CLYBL: variants seen among roughly 807,000 people sequenced by gnomAD.
CLYBL encodes the protein citramalyl-CoA lyase, mitochondrial.
Under a neutral mutation model 38.9 loss-of-function variants are expected in CLYBL, and 31 were observed. That is an observed-to-expected ratio of 0.80 (90% CI 0.60 to 1.08). The LOEUF (loss-of-function observed/expected upper bound fraction) is 1.08, where lower values mean the gene tolerates loss of function less well. CLYBL is among the 50% of genes least tolerant of loss of function. The pLI, the probability that CLYBL is intolerant of heterozygous loss-of-function variation, is 0.00. For synonymous variants in CLYBL, 171 were observed against 158.6 expected, an observed-to-expected ratio of 1.08 and a Z score of -0.59; for missense variants, 434 against 411.6, an observed-to-expected ratio of 1.05 and a Z score of -0.47.
chr13:99,673,974 A>G (rs1002271655), intron 1 of CLYBL, among the ~76,000 whole-genome samples: 2 of 151,946 alleles, frequency 1.3e-5, no homozygotes, highest in Non-Finnish European at 2.9e-5. Context: ...GATGACTGTC[A>G]AGGTTTTTGG....
intron 1 of CLYBL, among the ~76,000 whole-genome samples, chr13:99,705,059 G>T (rs572385088): frequency 1.3e-4 from 20 of 152,286 alleles, no homozygotes; most frequent in Middle Eastern, 6.8e-3. Context: ...GAATAACTAT[G>T]ATCCAGCAAT....
Position 99,865,404 on chromosome 13 carries a change from G to A in CLYBL, c.634+493G>A, listed in dbSNP as rs145696604. Among the ~76,000 whole-genome samples, 22 of 152,156 alleles carry A rather than the reference G, an allele frequency of 1.4e-4. No individual in the cohort carries two copies. The East Asian group carries it at 3.3e-3, about 23-fold the overall frequency. ...TTAAATTTCTCTTACAATATGTTTC[G>A]AACTCTTAGTATTAAATGTGCTGAT... is the stretch of plus-strand genomic sequence containing the variant. On this transcript the variant is annotated intron_variant, in intron 5 of 8. Coordinates refer to ENST00000339105, the MANE Select transcript of CLYBL (RefSeq NM_206808.5). The surrounding 1 kb of genome is among the most constrained non-coding windows in gnomAD (Gnocchi z 4.7).
At chr13:99,710,670 G>A (rs2048216066) in intron 1 of CLYBL, among the ~76,000 whole-genome samples, 1 of 151,974 alleles carries the variant, frequency 6.6e-6, no homozygotes, top group Non-Finnish European at 1.5e-5. Context: ...CAGCCCCCTA[G>A]TTTCTTCCCT....
At position 99,628,144 on chromosome 13, in the gene CLYBL, T is replaced by C. The variant is rs565442880; in HGVS notation, c.62+21387T>C. Among the ~76,000 whole-genome samples the C allele has an allele frequency of 3.3e-5, 5 of 152,346 alleles. 1 individual carries two copies. The highest frequency in any genetic ancestry group is 1.2e-4 in the African/African-American group (5 of 41,580). On this transcript the variant is annotated intron_variant, in intron 1 of 8. Transcript: ENST00000339105. Reference sequence around the variant, plus strand: ...GTTGTGAGCCTGTAGACAAAACTCGTGTCTGGCATATCTGATTGGAATGTG... The same window carrying C: ...GTTGTGAGCCTGTAGACAAAACTCGCGTCTGGCATATCTGATTGGAATGTG...
intron 1 of CLYBL, among the ~76,000 whole-genome samples, chr13:99,698,608 A>G (rs1594125811): frequency 6.6e-6 from 1 of 152,184 alleles, no homozygotes; most frequent in Admixed American, 6.5e-5. Context: ...AAGGAGGGGC[A>G]TGCGGTGACA....
intron 2 of CLYBL, among the ~76,000 whole-genome samples, chr13:99,850,404 G>C (rs951801180): frequency 3.9e-5 from 6 of 152,138 alleles, no homozygotes; most frequent in African/African-American, 4.8e-5. Flanking sequence ...AGCACACACA[G>C]AGATGCTCAG....
At chr13:99,862,764 A>G (rs2051638243) in intron 3 of CLYBL, among the ~76,000 whole-genome samples, 1 of 152,116 alleles carries the variant, frequency 6.6e-6, no homozygotes, top group African/African-American at 2.4e-5. Context: ...CTCCTTTGGG[A>G]GAAAAAAATT....
chr13:99,643,125 G>C (rs1212502588), intron 1 of CLYBL: 1 of 152,990 alleles, frequency 6.5e-6, no homozygotes, highest in Admixed American at 6.5e-5. Flanking sequence ...CTGTCCTCTG[G>C]AGAGAAAGGC....
chr13:99,843,950 A>G lies in CLYBL; in HGVS notation c.250-14911A>G, dbSNP rs554966555. Among the ~76,000 whole-genome samples the G allele has an allele frequency of 3.9e-5, 6 of 152,326 alleles. No individual in the cohort carries two copies. In the East Asian group the frequency reaches 1.2e-3, roughly 29 times the overall value. On this transcript the variant is annotated intron_variant, in intron 2 of 8. Transcript: ENST00000339105. ...GGGAATTGGCCTATCCATGCAATAGAATACTTGGAAGTCATTACAAATGAT... is the reference window on the plus strand; with the variant it reads ...GGGAATTGGCCTATCCATGCAATAGGATACTTGGAAGTCATTACAAATGAT...
intron 2 of CLYBL, among the ~76,000 whole-genome samples, chr13:99,802,085 G>A (rs1229112035): frequency 6.6e-6 from 1 of 151,940 alleles, no homozygotes. Flanking sequence ...AGTCCCTTTG[G>A]GCTGCTGTAA....
chr13:99,792,448 C>G (rs1211856134), intron 2 of CLYBL, among the ~76,000 whole-genome samples: 1 of 152,160 alleles, frequency 6.6e-6, no homozygotes, highest in African/African-American at 2.4e-5. Context: ...GCCAGCTGCT[C>G]CACGTGGCAG....
At chr13:99,696,523 A>C (rs1254217143) in intron 1 of CLYBL, among the ~76,000 whole-genome samples, 2 of 152,160 alleles carry the variant, frequency 1.3e-5, no homozygotes, top group African/African-American at 4.8e-5. Flanking sequence ...TCCTGTAACA[A>C]AGATTGTTAG....
At chr13:99,723,245 A>G (rs2048420266) in intron 1 of CLYBL, among the ~76,000 whole-genome samples, 1 of 152,194 alleles carries the variant, frequency 6.6e-6, no homozygotes, top group South Asian at 2.1e-4. Flanking sequence ...GGTTTTTCAT[A>G]TATTTGGTAG....
chr13:99,812,485 G>A (rs1315442736), intron 2 of CLYBL, among the ~76,000 whole-genome samples: 2 of 152,220 alleles, frequency 1.3e-5, no homozygotes, highest in African/African-American at 4.8e-5. Flanking sequence ...GGCTGGGCCA[G>A]TATTAAATGC....
intron 1 of CLYBL, among the ~76,000 whole-genome samples, chr13:99,610,713 C>T (rs2046612970): frequency 6.6e-6 from 1 of 152,172 alleles, no homozygotes; most frequent in South Asian, 2.1e-4. Context: ...AAGGTCTTTC[C>T]TTAGCCGGTA....
intron 2 of CLYBL, among the ~76,000 whole-genome samples, chr13:99,833,824 TC>T (rs2050874910): frequency 1.3e-5 from 2 of 149,628 alleles, no homozygotes; most frequent in Admixed American, 6.7e-5. Context: ...TTCCTCAGCC[TC>T]CCGAATAGCT....
At chr13:99,878,641 C>T (rs957861323) in intron 7 of CLYBL, among the ~76,000 whole-genome samples, 1 of 152,116 alleles carries the variant, frequency 6.6e-6, no homozygotes. Context: ...GTATGCAAAT[C>T]GTACCTCAAT....
chr13:99,824,134 G>A lies in CLYBL; in HGVS notation c.250-34727G>A, dbSNP rs533564919. Among the ~76,000 whole-genome samples the A allele has an allele frequency of 5.9e-5, 9 of 152,288 alleles. No individual in the cohort carries two copies. In the East Asian group the frequency reaches 1.2e-3, roughly 20 times the overall value. Reference sequence around the variant, plus strand: ...CTTAAATAAGTCCCAGTAGAAAAACGTCAGGTTGCTGGTGGCTTGGCATAA... The same window carrying A: ...CTTAAATAAGTCCCAGTAGAAAAACATCAGGTTGCTGGTGGCTTGGCATAA... On this transcript the variant is annotated intron_variant, in intron 2 of 8. Transcript: ENST00000339105.
At chr13:99,798,041 A>G (rs923926472) in intron 2 of CLYBL, among the ~76,000 whole-genome samples, 6 of 152,168 alleles carry the variant, frequency 3.9e-5, no homozygotes, top group Non-Finnish European at 8.8e-5. Context: ...GTTCTTTGAT[A>G]TGTTACATGT....
Sources: gnomAD v4.1 joint callset for allele counts (sites outside exome capture counted in the v4.1 genomes callset) on GRCh38, gnomAD v4.1.1 for gene constraint, Gnocchi (gnomAD v3.1) non-coding constraint, MANE v1.5 for transcripts, NCBI Gene and HGNC (gene_info 2026-07-23, HGNC 2026-07-21) for gene names.